Variants in RAD51B observed in about 807,000 individuals in gnomAD.
RAD51B encodes DNA repair protein RAD51 homolog 2.
Under a neutral mutation model 42.2 loss-of-function variants are expected in RAD51B, and 38 were observed. The observed-to-expected ratio is 0.90, with a 90% confidence interval of 0.70 to 1.18. The LOEUF is 1.18. RAD51B is among the 50% of genes most tolerant of loss of function. The pLI, the probability that RAD51B is intolerant of heterozygous loss-of-function variation, is 0.00. For missense variants in RAD51B, 373 were observed against 400.7 expected (o/e 0.93, Z 0.59); for synonymous variants, 154 against 145.2 (o/e 1.06, Z -0.43).
At chr14:68,118,103 A>C (rs187085592) in intron 7 of RAD51B, among the ~76,000 whole-genome samples, 3 of 152,324 alleles carry the variant, frequency 2.0e-5, no homozygotes, top group Admixed American at 1.3e-4. Context: ...CAACAAGGAT[A>C]TTTATTTCCT....
chr14:68,041,202 G>T (rs763563911), intron 7 of RAD51B, among the ~76,000 whole-genome samples: 1 of 152,130 alleles, frequency 6.6e-6, no homozygotes, highest in East Asian at 1.9e-4. Context: ...CATCCCCTTC[G>T]CCTCCTGCCA....
At chr14:68,482,581 T>G (rs1302680308), downstream of RAD51B, among the ~76,000 whole-genome samples, 1 of 152,162 alleles carries the variant, frequency 6.6e-6, no homozygotes, top group African/African-American at 2.4e-5. Context: ...GGAAGGGTCA[T>G]TTTTTCCATG....
At chr14:68,576,293 G>T (rs1183459873) in intron 10 of RAD51B, among the ~76,000 whole-genome samples, 1 of 152,162 alleles carries the variant, frequency 6.6e-6, no homozygotes, top group East Asian at 1.9e-4. Context: ...GGCACCAAAG[G>T]GAAGAGAATG....
intron 7 of RAD51B, among the ~76,000 whole-genome samples, chr14:67,928,614 A>T (rs778327557): frequency 1.3e-5 from 2 of 151,916 alleles, no homozygotes; most frequent in East Asian, 3.9e-4. Flanking sequence ...CGGCCATGAC[A>T]CTTGGTACTT....
chr14:68,610,532 G>A (rs963905987), intron 10 of RAD51B, among the ~76,000 whole-genome samples: 8 of 152,252 alleles, frequency 5.3e-5, no homozygotes, highest in Non-Finnish European at 1.0e-4. Flanking sequence ...CCTCACTGCC[G>A]CCACTTGTCA....
intron 7 of RAD51B, among the ~76,000 whole-genome samples, chr14:68,261,785 C>T (rs2080895835): frequency 6.6e-6 from 1 of 152,156 alleles, no homozygotes; most frequent in Admixed American, 6.5e-5. Context: ...GACTCACATT[C>T]ACCCCTTGCC....
intron 7 of RAD51B, among the ~76,000 whole-genome samples, chr14:67,979,718 T>A (rs1347717166): frequency 6.6e-6 from 1 of 152,202 alleles, no homozygotes; most frequent in African/African-American, 2.4e-5. Flanking sequence ...TATTAAAGTT[T>A]TTTAAAAAAT....
chr14:68,473,212 G>T (rs1408572228), intron 10 of RAD51B, among the ~76,000 whole-genome samples: 1 of 152,198 alleles, frequency 6.6e-6, no homozygotes, highest in African/African-American at 2.4e-5. Flanking sequence ...GCACAGCCTG[G>T]CATTCTTGTA....
intron 8 of RAD51B, among the ~76,000 whole-genome samples, chr14:68,398,830 A>G (rs1038409143): frequency 6.6e-6 from 1 of 152,220 alleles, no homozygotes; most frequent in African/African-American, 2.4e-5. Context: ...ATGATGGTAC[A>G]TGGACTGTCT....
chr14:68,306,633 C>A (rs771570411), intron 8 of RAD51B: 2 of 515,930 alleles, frequency 3.9e-6, no homozygotes, highest in Non-Finnish European at 3.9e-6. Context: ...CCTTGATCCT[C>A]TGGCCTAATA....
chr14:68,564,499 A>G (rs1276581779), intron 10 of RAD51B, among the ~76,000 whole-genome samples: 1 of 152,178 alleles, frequency 6.6e-6, no homozygotes, highest in Non-Finnish European at 1.5e-5. Flanking sequence ...GCCCTTCCCC[A>G]GAGAGGAAGC....
At chr14:68,445,511 T>C (rs2085401470) in intron 9 of RAD51B, among the ~76,000 whole-genome samples, 1 of 152,156 alleles carries the variant, frequency 6.6e-6, no homozygotes, top group Non-Finnish European at 1.5e-5. Context: ...TTATCCCCAT[T>C]TTATACATGA....
At chr14:68,106,234 A>G (rs1189239670) in intron 7 of RAD51B, among the ~76,000 whole-genome samples, 1 of 151,880 alleles carries the variant, frequency 6.6e-6, no homozygotes. Flanking sequence ...TTCTAGCTTG[A>G]CATATTTGTG....
In RAD51B at chr14:68,256,159, A is replaced by T. The variant is rs569586915; in HGVS notation, c.757-35725A>T. Among the ~76,000 whole-genome samples the T allele has an allele frequency of 1.5e-4, 23 of 152,298 alleles. No homozygotes were observed. The South Asian group carries it at 4.8e-3, about 32-fold the overall frequency. On this transcript the variant is annotated intron_variant, in intron 7 of 10. Coordinates refer to ENST00000471583, the MANE Select transcript of RAD51B (RefSeq NM_133510.4). ...CAGTGAGCTTGACAAAGGGATACAGATTTACCCTATTTGGGTGTTGAATCT... is the reference window on the plus strand; with the variant it reads ...CAGTGAGCTTGACAAAGGGATACAGTTTTACCCTATTTGGGTGTTGAATCT...
chr14:68,610,843 ATGTGTGTGTG>A (rs60173412), intron 10 of RAD51B, among the ~76,000 whole-genome samples: 4,732 of 144,712 alleles, frequency 0.033, 170 homozygotes, highest in African/African-American at 0.087. Context: ...CTGAATGTAT[ATGTGTGTGTG>A]TGTGTGTGTG....
chr14:68,026,538 G>C (rs181537021), intron 7 of RAD51B, among the ~76,000 whole-genome samples: 349 of 151,910 alleles, frequency 2.3e-3, no homozygotes, highest in Admixed American at 4.4e-3. Context: ...CCAGTGTTGG[G>C]TGGGTATATA....
intron 10 of RAD51B, among the ~76,000 whole-genome samples, chr14:68,638,190 T>G (rs1892379466): frequency 1.3e-5 from 2 of 152,204 alleles, no homozygotes; most frequent in Non-Finnish European, 2.9e-5. Flanking sequence ...AACTCACACA[T>G]TCACACATGT....
chr14:68,318,270 C>T (rs571494295), intron 8 of RAD51B, among the ~76,000 whole-genome samples: 1 of 152,320 alleles, frequency 6.6e-6, no homozygotes, highest in East Asian at 1.9e-4. Flanking sequence ...GGCCCAAGAG[C>T]TTAATGTAAT....
chr14:68,450,086 G>A lies in RAD51B; in HGVS notation c.958-18086G>A, dbSNP rs997481769. ...TTCCCATTGTTATGCCTCCTAATTA[G>A]GCCAAGCCCAAGGTTGCTGTGTGTC... On this transcript the variant is annotated intron_variant, in intron 9 of 10. Coordinates refer to ENST00000471583, the MANE Select transcript of RAD51B (RefSeq NM_133510.4). Among the ~76,000 whole-genome samples the A allele has an allele frequency of 5.3e-5, 8 of 152,064 alleles. No homozygotes were observed. The East Asian group carries it at 7.7e-4, about 15-fold the overall frequency.
Sources: allele counts gnomAD v4.1 joint callset (sites outside exome capture counted in the v4.1 genomes callset), GRCh38; gene constraint gnomAD v4.1.1; transcripts MANE v1.5; gene names NCBI Gene and HGNC (gene_info 2026-07-23, HGNC 2026-07-21).